Variants in RFC3 observed in about 807,000 individuals in gnomAD.
RFC3 encodes A1 38 kDa subunit.
Under a neutral mutation model 45.1 loss-of-function variants are expected in RFC3, and 41 were observed. That is an observed-to-expected ratio of 0.91 (90% CI 0.71 to 1.18). RFC3 has a LOEUF of 1.18. Ranked by LOEUF, RFC3 falls within the 50% of genes most tolerant of loss-of-function variation. The pLI is 0.00. For synonymous variants in RFC3, 149 were observed against 144.0 expected (o/e 1.03, Z -0.25); for missense variants, 423 against 428.1 (o/e 0.99, Z 0.10).
intron 1 of RFC3, 66 bp from the exon 2 acceptor site, chr13:33,821,066 G>C: frequency 1.3e-6 from 2 of 1,491,568 alleles, no homozygotes; most frequent in Non-Finnish European, 1.8e-6. Flanking sequence ...TACTTAAAAA[G>C]TAGTTTGGTT....
At chr13:33,942,109 T>G (rs2137805534) in intron 8 of RFC3, among the ~76,000 whole-genome samples, 1 of 152,222 alleles carries the variant, frequency 6.6e-6, no homozygotes, top group South Asian at 2.1e-4. Context: ...TTTTGTACAT[T>G]AATTATAGCT....
intron 1 of RFC3, 130 bp from the exon 2 acceptor site, chr13:33,821,002 G>A (rs2081997647): frequency 1.4e-6 from 1 of 693,534 alleles, no homozygotes; most frequent in South Asian, 3.2e-5. Context: ...TAAAAAATTG[G>A]GTGTATCTAC....
intron 8 of RFC3, among the ~76,000 whole-genome samples, chr13:33,875,354 A>G (rs1374074836): frequency 6.6e-6 from 1 of 152,222 alleles, no homozygotes; most frequent in East Asian, 1.9e-4. Flanking sequence ...AAAGGAAACA[A>G]TATGTAAGCT....
intron 8 of RFC3, among the ~76,000 whole-genome samples, chr13:33,928,319 A>G (rs920439265): frequency 1.5e-4 from 23 of 152,092 alleles, no homozygotes; most frequent in African/African-American, 5.3e-4. Context: ...ACATACACTT[A>G]TGTATTTACG....
At chr13:33,848,185 T>C (rs1188748372) in intron 8 of RFC3, 1 of 152,262 alleles carries the variant, frequency 6.6e-6, no homozygotes, top group Non-Finnish European at 1.5e-5. Context: ...ACTGAGCTTT[T>C]GATCTCTTCC....
chr13:33,853,487 C>T (rs762781880), intron 8 of RFC3, among the ~76,000 whole-genome samples: 8 of 151,840 alleles, frequency 5.3e-5, no homozygotes, highest in African/African-American at 1.9e-4. Flanking sequence ...CCCATTTGCT[C>T]AAGAAAAGAA....
At chr13:33,962,664 G>T (rs950020087) in intron 8 of RFC3, among the ~76,000 whole-genome samples, 1 of 152,070 alleles carries the variant, frequency 6.6e-6, no homozygotes, top group Non-Finnish European at 1.5e-5. Flanking sequence ...CATTTTCTGG[G>T]AATATTTAAT....
chr13:33,821,322 T>A, intron 2 of RFC3, 53 bp downstream of exon 2: 1 of 1,575,604 alleles, frequency 6.3e-7, no homozygotes, highest in Non-Finnish European at 8.7e-7. Flanking sequence ...GGACTTTCAG[T>A]CTTGGTCATG....
chr13:33,846,167 TG>T (rs998988155), intron 8 of RFC3: 1 of 151,998 alleles, frequency 6.6e-6, no homozygotes, highest in Non-Finnish European at 1.5e-5. Context: ...AGGGGAGAGG[TG>T]ATACAAGCAT....
chr13:33,848,205 T>G (rs1272618701), intron 8 of RFC3: 1 of 152,364 alleles, frequency 6.6e-6, no homozygotes, highest in Non-Finnish European at 1.5e-5. Flanking sequence ...CAGCCCAAAG[T>G]AGACCTTTCC....
intron 8 of RFC3, among the ~76,000 whole-genome samples, chr13:33,909,174 C>T (rs373075401): frequency 7.3e-5 from 11 of 151,212 alleles, no homozygotes; most frequent in Admixed American, 2.0e-4. Context: ...TTTTTTCAGG[C>T]GAGATTTAAG....
downstream of RFC3, among the ~76,000 whole-genome samples, chr13:33,967,644 C>G (rs944015812): frequency 6.6e-6 from 1 of 151,776 alleles, no homozygotes; most frequent in African/African-American, 2.4e-5. Flanking sequence ...CACACCACCA[C>G]GCCCAGCTAA....
rs898366079 is a variant in RFC3, at chr13:33,836,744, A to G, written c.*449A>G. On this transcript the variant is annotated 3_prime_UTR_variant, in exon 9 of 9. Transcript: ENST00000380071. ...TCTCAATGAATAATTGTATTTTTGT[A>G]GGAAATGTAAGATTTCATTCTGAAA... The G allele has an allele frequency of 1.0e-6, 1 of 984,500 alleles. No individual in the cohort carries two copies. The highest frequency in any genetic ancestry group is 1.1e-4 in the East Asian group (1 of 8,816). 61.0% of individuals were successfully genotyped at this position (984,500 alleles called of 1,614,324 possible).
intron 3 of RFC3, among the ~76,000 whole-genome samples, chr13:33,824,595 A>G (rs896242116): frequency 2.0e-5 from 3 of 152,022 alleles, no homozygotes; most frequent in African/African-American, 7.2e-5. Flanking sequence ...CTTAAAGGAG[A>G]ACAGAATTGA....
At chr13:33,866,358 G>T (rs745878488) in intron 8 of RFC3, among the ~76,000 whole-genome samples, 3 of 152,242 alleles carry the variant, frequency 2.0e-5, no homozygotes, top group Non-Finnish European at 4.4e-5. Context: ...TTATTTGGGA[G>T]AGGTAACATG....
chr13:33,847,599 A>G (rs952465555), intron 8 of RFC3: 1 of 152,000 alleles, frequency 6.6e-6, no homozygotes, highest in African/African-American at 2.4e-5. Context: ...AAAAAAAATC[A>G]TTCATATACC....
intron 8 of RFC3, chr13:33,850,529 A>G (rs2082269903): frequency 6.6e-6 from 1 of 152,124 alleles, no homozygotes; most frequent in Non-Finnish European, 1.5e-5. Flanking sequence ...AAATTAATTG[A>G]AATAAATTAT....
At chr13:33,820,223 C>A (rs1417520467) in intron 1 of RFC3, among the ~76,000 whole-genome samples, 2 of 152,230 alleles carry the variant, frequency 1.3e-5, no homozygotes, top group African/African-American at 2.4e-5. Context: ...TCAGCAGATA[C>A]TGTTAGTGCC....
At chr13:33,961,568 A>G (rs2083057252) in intron 8 of RFC3, among the ~76,000 whole-genome samples, 1 of 152,218 alleles carries the variant, frequency 6.6e-6, no homozygotes, top group Non-Finnish European at 1.5e-5. Flanking sequence ...AGCTTTTGAA[A>G]GCACACAAAG....
Sources: allele counts gnomAD v4.1 joint callset (sites outside exome capture counted in the v4.1 genomes callset), GRCh38; gene constraint gnomAD v4.1.1; transcripts MANE v1.5; gene names NCBI Gene and HGNC (gene_info 2026-07-23, HGNC 2026-07-21).